RIF1: variants seen among roughly 807,000 people sequenced by gnomAD.
The protein encoded by RIF1 is telomere-associated protein RIF1.
A neutral mutation model predicts 247.1 loss-of-function variants in RIF1; 45 were observed. That is an observed-to-expected ratio of 0.18 (90% CI 0.14 to 0.23). The LOEUF (loss-of-function observed/expected upper bound fraction) is 0.23, where lower values mean the gene tolerates loss of function less well. Ranked by LOEUF, RIF1 falls within the 10% of genes least tolerant of loss-of-function variation. RIF1 has a pLI of 1.00. For missense variants in RIF1, 2,967 were observed against 2,862.5 expected (o/e 1.04, Z -0.83); for synonymous variants, 1,087 against 978.8 (o/e 1.11, Z -2.06).
chr2:151,433,518 G>A (rs891122010), intron 10 of RIF1, among the ~76,000 whole-genome samples: 11 of 152,056 alleles, frequency 7.2e-5, no homozygotes, highest in African/African-American at 1.4e-4. Flanking sequence ...GCAGTGGCAC[G>A]ATCTCGGCTC....
At chr2:151,470,768 C>T (rs1488192698) in intron 34 of RIF1, among the ~76,000 whole-genome samples, 1 of 152,136 alleles carries the variant, frequency 6.6e-6, no homozygotes, top group East Asian at 1.9e-4. Context: ...TTGTGATCTT[C>T]TAAACATTCA....
At chr2:151,517,381 C>T in the RIF1 span, among the ~76,000 whole-genome samples, 1 of 152,218 alleles carries the variant, frequency 6.6e-6, no homozygotes, top group African/African-American at 2.4e-5. Flanking sequence ...TACTGCCCTA[C>T]AGAAGACACG....
chr2:151,443,176 T>C (rs994813864), intron 16 of RIF1, 83 bp from the exon 17 acceptor site: 1 of 901,930 alleles, frequency 1.1e-6, no homozygotes, highest in Non-Finnish European at 1.7e-6. Flanking sequence ...GCTAAAACAA[T>C]TTTATTTCTT....
At chr2:151,512,503 A>G (rs1413449144), downstream of RIF1, among the ~76,000 whole-genome samples, 2 of 152,092 alleles carry the variant, frequency 1.3e-5, no homozygotes, top group African/African-American at 4.8e-5. Context: ...TTGTAGGGAC[A>G]GGGTTTTGCC....
chr2:151,516,742 G>A, the RIF1 span, among the ~76,000 whole-genome samples: 99 of 152,226 alleles, frequency 6.5e-4, no homozygotes, highest in Non-Finnish European at 7.1e-4. Flanking sequence ...AGGTGTTGAG[G>A]GGATGGGTAC....
downstream of RIF1, chr2:151,485,502 A>G (rs1177136257): frequency 6.2e-6 from 2 of 324,454 alleles, no homozygotes; most frequent in African/African-American, 4.2e-5. Context: ...TCCCTGTTTT[A>G]GAAAAGAAAT....
At position 151,463,611 on chromosome 2, in the gene RIF1, A is replaced by G. The variant is rs1446125081; in HGVS notation, c.4091A>G (p.Asn1364Ser). ...AAGCTTAAAGCAGCAACAGTGGAAAATGCTGTATTATTGGAAACTAATACT... is the reference window on the plus strand; with the variant it reads ...AAGCTTAAAGCAGCAACAGTGGAAAGTGCTGTATTATTGGAAACTAATACT... The part of the protein sequence containing the change: ...NTKLKAATVE[N>S]AVLLETNTVE... Residue 1364 changes from asparagine to serine, a missense_variant, in exon 30 of 36, where the codon AAT (asparagine) becomes AGT (serine). By Grantham distance (46) the Asn-to-Ser change is conservative. Around this residue, in one of 7 missense-constraint regions of RIF1, gnomAD observed 2,028 missense variants for 1,825.6 expected, o/e 1.11. Coordinates refer to ENST00000444746, the MANE Select transcript of RIF1 (RefSeq NM_018151.5). 1 of 1,613,608 alleles carries G rather than the reference A, an allele frequency of 6.2e-7. No homozygotes were observed. Among genetic ancestry groups the G allele is most frequent in the African/African-American group, 1.3e-5 (1 of 74,940 alleles).
chr2:151,433,335 T>A, intron 10 of RIF1, 107 bp downstream of exon 10: 1 of 753,632 alleles, frequency 1.3e-6, no homozygotes, highest in Non-Finnish European at 2.1e-6. Flanking sequence ...ATTAGCAGAC[T>A]AGAACATATA....
chr2:151,505,821 C>T (rs2068414474), intron 12 of RIF1: 3 of 554,248 alleles, frequency 5.4e-6, no homozygotes. Flanking sequence ...TAGACTGCAG[C>T]CCTTTCCTGT....
At chr2:151,437,668 G>A (rs1302012276) in intron 13 of RIF1, among the ~76,000 whole-genome samples, 3 of 152,268 alleles carry the variant, frequency 2.0e-5, no homozygotes, top group East Asian at 3.9e-4. Context: ...TGCAGCCTGG[G>A]TGATAGAGCA....
chr2:151,454,174 C>T (rs182293395), intron 21 of RIF1, among the ~76,000 whole-genome samples: 3 of 152,188 alleles, frequency 2.0e-5, no homozygotes, highest in East Asian at 1.9e-4. Flanking sequence ...ATTAAGCATT[C>T]GTTTTCTGTT....
At chr2:151,494,958 GT>G in intron 9 of RIF1, 1 of 152,802 alleles carries the variant, frequency 6.5e-6, no homozygotes, top group Non-Finnish European at 1.5e-5. Flanking sequence ...CACAGCAGCT[GT>G]TTTTTTACTG....
chr2:151,493,191 G>A, intron 9 of RIF1: 2 of 584,930 alleles, frequency 3.4e-6, no homozygotes, highest in Non-Finnish European at 5.9e-6. Flanking sequence ...TTGAATAAGT[G>A]CAAATTTTTA....
rs1692775405 is a variant in RIF1, at chr2:151,443,838, A to G, written c.1986+129A>G. 3 of 542,808 alleles carry G rather than the reference A, an allele frequency of 5.5e-6. No individual in the cohort carries two copies. The South Asian group carries it at 1.3e-4, about 23-fold the overall frequency. 33.6% of individuals were successfully genotyped at this position (542,808 alleles called of 1,614,324 possible). A position where few individuals can be genotyped will look rare whatever the true frequency, so the allele number is the denominator to read the frequency against. On this transcript the variant is annotated intron_variant, in intron 18 of 35. Transcript: ENST00000444746. ...ATATTTTTTCTGGTGGAATTGGTAA[A>G]CGTTGTACTTTTGATTGATTTTATT...
chr2:151,469,756 T>C lies in RIF1; in HGVS notation c.6987T>C (p.Thr2329=), dbSNP rs142222975. The change falls in exon 34 of 36, where the codon ACT becomes ACC. Residue 2329 remains threonine (T), a synonymous_variant. Coordinates refer to ENST00000444746, the MANE Select transcript of RIF1 (RefSeq NM_018151.5). ...TCATTAGAGCTAAGAATATAAAAAC[T>C]ATTGGTGATTTGAGTACTCTTACAG... ...GQLIRAKNIK[T]IGDLSTLTAS... 2,773 of 1,609,206 alleles carry C rather than the reference T, an allele frequency of 1.7e-3. 8 individuals are homozygous for C. Among genetic ancestry groups the C allele is most frequent in the Admixed American group, 2.1e-3 (128 of 59,630 alleles).
At chr2:151,467,871 G>T in intron 30 of RIF1, 129 bp from the exon 31 acceptor site, 1 of 765,774 alleles carries the variant, frequency 1.3e-6, no homozygotes, top group Non-Finnish European at 2.1e-6. Context: ...GAACTGTGCA[G>T]CTGACTTCTG....
At chr2:151,526,082 T>C in the RIF1 span, 19 of 1,612,750 alleles carry the variant, frequency 1.2e-5, no homozygotes, top group Admixed American at 1.7e-5. Context: ...GGGGAATCCA[T>C]AGAGAGCTCA....
At chr2:151,412,772 C>T (rs762964433) in intron 3 of RIF1, among the ~76,000 whole-genome samples, 9 of 151,986 alleles carry the variant, frequency 5.9e-5, no homozygotes, top group Admixed American at 2.0e-4. Context: ...TGTGAGCCAC[C>T]GTGCCCAGCC....
At position 151,422,977 on chromosome 2, in the gene RIF1, T is replaced by G; in HGVS notation, c.721T>G (p.Phe241Val). Reference sequence around the variant, plus strand: ...ATTAATCTCAGAACTTCAGAAGCTATTTATGAGTAAAAATGAGACTTACGT... The same window carrying G: ...ATTAATCTCAGAACTTCAGAAGCTAGTTATGAGTAAAAATGAGACTTACGT... ...TKLISELQKL[F>V]MSKNETYVLK... Residue 241 changes from phenylalanine (F) to valine (V), a missense_variant, in exon 8 of 36, where the codon TTT becomes GTT. Coordinates refer to ENST00000444746, the MANE Select transcript of RIF1 (RefSeq NM_018151.5). 1.9e-6 allele frequency: 3 copies of G among 1,588,552 alleles called. No homozygotes were observed. The highest frequency in any genetic ancestry group is 2.6e-6 in the Non-Finnish European group (3 of 1,159,110).
Sources: gnomAD v4.1 joint callset for allele counts (sites outside exome capture counted in the v4.1 genomes callset) on GRCh38, gnomAD v4.1.1 for gene constraint, gnomAD v4.1.1 regional missense constraint, MANE v1.5 for transcripts, NCBI Gene and HGNC (gene_info 2026-07-23, HGNC 2026-07-21) for gene names.